Variants in MACROD2 observed in about 807,000 individuals in gnomAD.
MACROD2 encodes the protein ADP-ribose glycohydrolase MACROD2.
Under a neutral mutation model 70.4 loss-of-function variants are expected in MACROD2, and 36 were observed. The observed-to-expected ratio is 0.51, with a 90% CI of 0.39 to 0.68. The LOEUF is 0.68. MACROD2 is among the 30% of genes least tolerant of loss of function. The pLI, the probability that MACROD2 is intolerant of heterozygous loss-of-function variation, is 0.00. For synonymous variants in MACROD2, 172 were observed against 178.8 expected (o/e 0.96, Z 0.30); for missense variants, 496 against 538.4 (o/e 0.92, Z 0.78).
At chr20:14,116,030 G>A (rs1171364169) in intron 3 of MACROD2, among the ~76,000 whole-genome samples, 1 of 152,148 alleles carries the variant, frequency 6.6e-6, no homozygotes, top group Non-Finnish European at 1.5e-5. Flanking sequence ...TAGAATTGAT[G>A]TAATTTGAGT....
intron 3 of MACROD2, among the ~76,000 whole-genome samples, chr20:14,490,650 T>G (rs1260589286): frequency 3.3e-5 from 5 of 152,200 alleles, no homozygotes; most frequent in Admixed American, 2.0e-4. Flanking sequence ...TCAAGTTTTC[T>G]TTGTTCCTTT....
At chr20:14,500,100 A>G (rs928628169) in intron 4 of MACROD2, among the ~76,000 whole-genome samples, 1 of 152,192 alleles carries the variant, frequency 6.6e-6, no homozygotes, top group Non-Finnish European at 1.5e-5. Context: ...GAAGGTCATG[A>G]TCTATTCAGA....
At chr20:15,878,135 A>G (rs1465260033) in intron 9 of MACROD2, among the ~76,000 whole-genome samples, 1 of 151,950 alleles carries the variant, frequency 6.6e-6, no homozygotes, top group East Asian at 1.9e-4. Context: ...TAATCTTGCC[A>G]CTCAGCTGCA....
intron 4 of MACROD2, among the ~76,000 whole-genome samples, chr20:14,641,302 C>T (rs1416888703): frequency 6.6e-6 from 1 of 152,196 alleles, no homozygotes; most frequent in Non-Finnish European, 1.5e-5. Context: ...TTGCTGTTTC[C>T]ACCACATCTG....
intron 5 of MACROD2, among the ~76,000 whole-genome samples, chr20:15,035,578 CAG>C (rs1443927444): frequency 6.6e-6 from 1 of 152,142 alleles, no homozygotes; most frequent in Admixed American, 6.5e-5. Context: ...GAAAAGCAAT[CAG>C]TGCCATTCTT....
intron 6 of MACROD2, among the ~76,000 whole-genome samples, chr20:15,316,338 C>CA (rs35686397): frequency 0.18 from 28,052 of 151,720 alleles, 2,680 homozygotes; most frequent in Middle Eastern, 0.27. Context: ...GGGTTCAAAG[C>CA]AAAAATATGG....
intron 6 of MACROD2, among the ~76,000 whole-genome samples, chr20:15,386,360 A>T (rs935585943): frequency 6.6e-6 from 1 of 152,164 alleles, no homozygotes; most frequent in Non-Finnish European, 1.5e-5. Flanking sequence ...TAAAGTTGGG[A>T]GGGAGTTTAA....
intron 6 of MACROD2, among the ~76,000 whole-genome samples, chr20:15,265,266 A>G (rs1490095003): frequency 2.6e-5 from 4 of 152,278 alleles, no homozygotes; most frequent in African/African-American, 7.2e-5. Flanking sequence ...TTCACACTCA[A>G]TCAGGAGTAA....
At chr20:15,484,030 C>A (rs924774689) in intron 7 of MACROD2, among the ~76,000 whole-genome samples, 1 of 121,046 alleles carries the variant, frequency 8.3e-6, no homozygotes, top group African/African-American at 3.0e-5. Context: ...TCTTTCTTTC[C>A]CATCATTATG....
chr20:14,371,215 T>G (rs1307034738), intron 3 of MACROD2, among the ~76,000 whole-genome samples: 1 of 152,196 alleles, frequency 6.6e-6, no homozygotes, highest in East Asian at 1.9e-4. Context: ...CCAGGTGTGG[T>G]GGCTCATGCC....
chr20:15,181,772 C>T (rs1162131958), intron 5 of MACROD2, among the ~76,000 whole-genome samples: 2 of 152,130 alleles, frequency 1.3e-5, no homozygotes, highest in Non-Finnish European at 1.5e-5. Flanking sequence ...TATATTTTTA[C>T]ACATCTCACC....
intron 5 of MACROD2, among the ~76,000 whole-genome samples, chr20:15,021,124 G>GTA (rs144666369): frequency 0.035 from 3,447 of 99,912 alleles, 481 homozygotes; most frequent in Admixed American, 0.047. Context: ...GTATACACGT[G>GTA]TGTATACACA....
chr20:15,699,348 T>A (rs1269347866), intron 8 of MACROD2, among the ~76,000 whole-genome samples: 1 of 152,196 alleles, frequency 6.6e-6, no homozygotes, highest in Non-Finnish European at 1.5e-5. Context: ...GTCTCTCTTC[T>A]GGGTCTAGCC....
chr20:15,268,247 C>T (rs768455693), intron 6 of MACROD2, among the ~76,000 whole-genome samples: 47 of 151,940 alleles, frequency 3.1e-4, no homozygotes, highest in Non-Finnish European at 5.7e-4. Flanking sequence ...GAAATTGTAG[C>T]AGAGAAAAAA....
At chr20:15,137,037 A>G (rs1160978178) in intron 5 of MACROD2, among the ~76,000 whole-genome samples, 14 of 150,062 alleles carry the variant, frequency 9.3e-5, no homozygotes, top group Middle Eastern at 3.4e-3. Flanking sequence ...TAGAATGGCA[A>G]TCATTAAAAA....
chr20:14,025,257 TTTC>T (rs1162942643), intron 2 of MACROD2, among the ~76,000 whole-genome samples: 4 of 152,170 alleles, frequency 2.6e-5, no homozygotes, highest in Admixed American at 2.6e-4. Flanking sequence ...TCTTCTCTCT[TTTC>T]TTCTTTATTT....
At chr20:14,950,946 G>A (rs1408026524) in intron 5 of MACROD2, among the ~76,000 whole-genome samples, 1 of 152,094 alleles carries the variant, frequency 6.6e-6, no homozygotes, top group African/African-American at 2.4e-5. Context: ...AAATCACTAG[G>A]GAATTGCAAA....
At chr20:15,015,475 G>GT (rs35022559) in intron 5 of MACROD2, among the ~76,000 whole-genome samples, 1,481 of 138,396 alleles carry the variant, frequency 0.011, 10 homozygotes, top group South Asian at 0.028. Flanking sequence ...AACTATGTGT[G>GT]TTTTTTTTTT....
chr20:14,237,270 T>C (rs1414715524), intron 3 of MACROD2, among the ~76,000 whole-genome samples: 1 of 152,046 alleles, frequency 6.6e-6, no homozygotes, highest in Admixed American at 6.5e-5. Flanking sequence ...TATATATAAA[T>C]ACAATCTCCC....
Sources: allele counts gnomAD v4.1 joint callset (sites outside exome capture counted in the v4.1 genomes callset), GRCh38; gene constraint gnomAD v4.1.1; transcripts MANE v1.5; gene names NCBI Gene and HGNC (gene_info 2026-07-23, HGNC 2026-07-21).